The following SLC12A7 variants were observed in gnomAD, a reference collection of about 807,000 sequenced individuals.
SLC12A7 encodes solute carrier family 12 member 7, also known as K-Cl cotransporter 4.
In SLC12A7, 100 loss-of-function variants were observed where a neutral mutation model predicts 120.6. The observed-to-expected ratio is 0.83, with a 90% CI of 0.71 to 0.98. SLC12A7 has a LOEUF of 0.98. Among genes scored for constraint, SLC12A7 ranks in the 50% least tolerant of loss-of-function variants. The pLI is 0.00. For missense variants in SLC12A7, 1,373 were observed against 1,548.1 expected (o/e 0.89, Z 1.90); for synonymous variants, 760 against 678.0 (o/e 1.12, Z -1.88).
chr5:1,095,253 T>G (rs1448311734), intron 1 of SLC12A7, among the ~76,000 whole-genome samples: 1 of 152,178 alleles, frequency 6.6e-6, no homozygotes, highest in Non-Finnish European at 1.5e-5. Flanking sequence ...CTGAGAAGTT[T>G]CTGTGTTCAT....
chr5:1,138,798 G>A, the SLC12A7 span, among the ~76,000 whole-genome samples: 1 of 152,210 alleles, frequency 6.6e-6, no homozygotes, highest in African/African-American at 2.4e-5. Flanking sequence ...GAGAGGCCCA[G>A]GAAGCTAAGC....
chr5:1,084,390 C>A (rs1739577803), intron 7 of SLC12A7, among the ~76,000 whole-genome samples: 1 of 152,216 alleles, frequency 6.6e-6, no homozygotes, highest in Non-Finnish European at 1.5e-5. Context: ...GCTGCAGCCG[C>A]TCCCTCCCCG....
At chr5:1,101,186 G>A (rs562534138) in intron 1 of SLC12A7, among the ~76,000 whole-genome samples, 174 of 152,330 alleles carry the variant, frequency 1.1e-3, no homozygotes, top group Non-Finnish European at 1.5e-3. Context: ...CTGGCACTGG[G>A]TGGACTGCCC....
chr5:1,097,323 T>C (rs78812676), intron 1 of SLC12A7, among the ~76,000 whole-genome samples: 10,823 of 152,204 alleles, frequency 0.071, 454 homozygotes, highest in African/African-American at 0.12. Flanking sequence ...AAGCAACCCC[T>C]GCTCACCGCA....
At chr5:1,078,997 C>T (rs1396708228) in intron 10 of SLC12A7, among the ~76,000 whole-genome samples, 1 of 152,162 alleles carries the variant, frequency 6.6e-6, no homozygotes, top group Non-Finnish European at 1.5e-5. Context: ...GGGTGGTGGA[C>T]ACACACCTGG....
At chr5:1,100,401 CCA>C (rs1741896428) in intron 1 of SLC12A7, among the ~76,000 whole-genome samples, 1 of 152,250 alleles carries the variant, frequency 6.6e-6, no homozygotes, top group South Asian at 2.1e-4. Context: ...ATCTATCTTT[CCA>C]CAGCCTTTCA....
the SLC12A7 span, among the ~76,000 whole-genome samples, chr5:1,149,589 AT>A: frequency 5.3e-5 from 8 of 151,772 alleles, no homozygotes; most frequent in Admixed American, 2.0e-4. Flanking sequence ...AAACAAATAA[AT>A]TAAAAAAAAT....
chr5:1,065,052 GA>G (rs1736864599), intron 18 of SLC12A7, among the ~76,000 whole-genome samples: 1 of 126,068 alleles, frequency 7.9e-6, no homozygotes, highest in Non-Finnish European at 1.7e-5. Flanking sequence ...AGGGGAGGCA[GA>G]GGGGGACAGT....
the SLC12A7 span, among the ~76,000 whole-genome samples, chr5:1,119,459 C>T: frequency 6.6e-6 from 1 of 152,210 alleles, no homozygotes. Context: ...GCCCGGGTGA[C>T]GCCGAGGTTA....
In SLC12A7 at chr5:1,104,809, G is replaced by A. The variant is rs145165942; in HGVS notation, c.124+7059C>T. ...ACAACTGTTTCCTCAAAAAGACACC[G>A]CCCAAGGGGAGAGCGGAAACAGGCA... On this transcript the variant is annotated intron_variant, in intron 1 of 23. Coordinates refer to ENST00000264930, the MANE Select transcript of SLC12A7 (RefSeq NM_006598.3). Among the ~76,000 whole-genome samples the A allele has an allele frequency of 2.2e-3, 333 of 152,354 alleles. 1 individual carries two copies. Among genetic ancestry groups the A allele is most frequent in the African/African-American group, 6.4e-3 (265 of 41,588 alleles).
At chr5:1,085,557 C>G in intron 6 of SLC12A7, 84 bp from the exon 7 acceptor site, 1 of 1,477,268 alleles carries the variant, frequency 6.8e-7, no homozygotes, top group Non-Finnish European at 9.0e-7. Flanking sequence ...CAGCGCCACA[C>G]AGGGGCCTCC....
chr5:1,064,708 GGGGACAGCGAGGAGACGGTGAA>G (rs1342351145), intron 18 of SLC12A7, among the ~76,000 whole-genome samples: 3 of 150,916 alleles, frequency 2.0e-5, no homozygotes, highest in Admixed American at 2.0e-4. Context: ...GGGACGGTGA[GGGGACAGCGAGGAGACGGTGAA>G]GGGACAGCGA....
the SLC12A7 span, among the ~76,000 whole-genome samples, chr5:1,122,251 A>G: frequency 6.6e-6 from 1 of 152,154 alleles, no homozygotes; most frequent in African/African-American, 2.4e-5. Context: ...TTGAGAAACC[A>G]GAACCCCCGG....
the SLC12A7 span, among the ~76,000 whole-genome samples, chr5:1,122,926 C>T: frequency 6.6e-6 from 1 of 152,270 alleles, no homozygotes; most frequent in Admixed American, 6.5e-5. Context: ...AAGCGCCCCA[C>T]GTGCGCACGC....
In SLC12A7 at chr5:1,074,587, G is replaced by T. The variant is rs764630458; in HGVS notation, c.2052C>A (p.Pro684=). ...CTCACCTCCAGTTCTTGGTGTGGGG[G>T]GGACCGTGCTCCACGCGCAGCAGGG... ...RYALLRVEHG[P]PHTKNWRPQV... The change falls in exon 16 of 24, where the codon CCC becomes CCA. Residue 684 remains proline, a synonymous_variant. Coordinates refer to ENST00000264930, the MANE Select transcript of SLC12A7 (RefSeq NM_006598.3). 93 of 1,612,594 alleles carry T rather than the reference G, an allele frequency of 5.8e-5. 1 individual carries two copies. Among genetic ancestry groups the T allele is most frequent in the Non-Finnish European group, 7.6e-5 (90 of 1,179,750 alleles).
chr5:1,083,681 A>G, intron 8 of SLC12A7, 64 bp downstream of exon 8: 1 of 1,525,336 alleles, frequency 6.6e-7, no homozygotes, highest in Non-Finnish European at 9.0e-7. Context: ...GAGAGCAGCC[A>G]CCAGGGCCAG....
In SLC12A7 at chr5:1,088,381, A is replaced by G. The variant is rs374547065; in HGVS notation, c.490-21T>C. 5.1e-6 allele frequency: 8 copies of G among 1,564,740 alleles called. No individual in the cohort carries two copies. In the African/African-American group the frequency reaches 1.1e-4, roughly 21 times the overall value. ...ATTGTCTGCAAAAAGACAGGCAGCC[A>G]TCTGAGGAGAGTTTTCCAACAGCCT... is the stretch of plus-strand genomic sequence containing the variant. On this transcript the variant is annotated intron_variant, in intron 4 of 23. Coordinates refer to ENST00000264930, the MANE Select transcript of SLC12A7 (RefSeq NM_006598.3).
At chr5:1,114,412 C>T (rs1453452418), upstream of SLC12A7, among the ~76,000 whole-genome samples, 1 of 152,134 alleles carries the variant, frequency 6.6e-6, no homozygotes, top group Non-Finnish European at 1.5e-5. Context: ...TTGCCGGAGC[C>T]CAGAAGCCGC....
intron 22 of SLC12A7, among the ~76,000 whole-genome samples, chr5:1,055,482 A>C (rs1735514249): frequency 6.6e-6 from 1 of 152,222 alleles, no homozygotes; most frequent in Non-Finnish European, 1.5e-5. Flanking sequence ...GCCGACCTCC[A>C]GATCTTCGGA....
Sources: allele counts gnomAD v4.1 joint callset (sites outside exome capture counted in the v4.1 genomes callset), GRCh38; gene constraint gnomAD v4.1.1; transcripts MANE v1.5; gene names NCBI Gene and HGNC (gene_info 2026-07-23, HGNC 2026-07-21).